Variants in SLC36A1 observed in about 807,000 individuals in gnomAD.
SLC36A1 encodes proton-coupled amino acid transporter 1.
SLC36A1 carries 30 observed loss-of-function variants against 47.5 expected under a neutral mutation model. The observed-to-expected ratio is 0.63, with a 90% CI of 0.47 to 0.86. The LOEUF (loss-of-function observed/expected upper bound fraction) is 0.86. Ranked by LOEUF, SLC36A1 falls within the 40% of genes least tolerant of loss-of-function variation. The pLI is 0.00. For missense variants in SLC36A1, 517 were observed against 606.0 expected, an observed-to-expected ratio of 0.85 and a Z score of 1.54; for synonymous variants, 255 against 249.7, an observed-to-expected ratio of 1.02 and a Z score of -0.20.
the SLC36A1 span, among the ~76,000 whole-genome samples, chr5:151,555,739 T>C: frequency 1.3e-5 from 2 of 152,210 alleles, no homozygotes; most frequent in African/African-American, 4.8e-5. Context: ...CAAAATTTGT[T>C]TCCTGCTGAG....
chr5:151,355,944 TA>T, the SLC36A1 span, among the ~76,000 whole-genome samples: 1 of 152,170 alleles, frequency 6.6e-6, no homozygotes, highest in African/African-American at 2.4e-5. Flanking sequence ...AGTGGACACT[TA>T]GGGGTGAAGC....
At chr5:151,525,284 A>G in the SLC36A1 span, among the ~76,000 whole-genome samples, 1 of 152,196 alleles carries the variant, frequency 6.6e-6, no homozygotes, top group Non-Finnish European at 1.5e-5. Context: ...TATGAAACCC[A>G]TAACACCACC....
the SLC36A1 span, chr5:151,526,108 A>C: frequency 9.7e-6 from 8 of 826,726 alleles, no homozygotes; most frequent in Non-Finnish European, 1.5e-5. Flanking sequence ...GCTGCTGCTC[A>C]TTCATTCTGC....
the SLC36A1 span, chr5:151,553,515 T>C: frequency 1.3e-6 from 1 of 791,520 alleles, no homozygotes; most frequent in Non-Finnish European, 2.1e-6. Flanking sequence ...CATTCATTCA[T>C]CTGATGCATA....
the SLC36A1 span, among the ~76,000 whole-genome samples, chr5:151,394,401 C>T: frequency 3.9e-5 from 6 of 152,246 alleles, no homozygotes; most frequent in Admixed American, 1.3e-4. Flanking sequence ...CTTCCCTCAA[C>T]TCGTCAAAGT....
chr5:151,529,117 G>A, the SLC36A1 span: 1,360 of 1,407,362 alleles, frequency 9.7e-4, 8 homozygotes, highest in Non-Finnish European at 1.1e-3. Context: ...GGGTGTGGGG[G>A]TGAGATAAGA....
the SLC36A1 span, among the ~76,000 whole-genome samples, chr5:151,403,103 G>A: frequency 3.9e-5 from 6 of 151,958 alleles, no homozygotes; most frequent in South Asian, 2.1e-4. Context: ...ATGTTAGAGC[G>A]TTAATTTGAG....
chr5:151,554,653 C>T, the SLC36A1 span: 6 of 1,613,438 alleles, frequency 3.7e-6, no homozygotes, highest in African/African-American at 6.7e-5. Flanking sequence ...GTGAGGGTTC[C>T]CCATTGTCCA....
At chr5:151,476,401 T>C (rs1758054168) in intron 8 of SLC36A1, among the ~76,000 whole-genome samples, 189 bp from the exon 9 acceptor site, 1 of 152,238 alleles carries the variant, frequency 6.6e-6, no homozygotes, top group Admixed American at 6.5e-5. Flanking sequence ...AGCTAGGCAG[T>C]GGGCTGCAGA....
the SLC36A1 span, among the ~76,000 whole-genome samples, chr5:151,555,697 A>G: frequency 6.6e-6 from 1 of 152,212 alleles, no homozygotes; most frequent in Non-Finnish European, 1.5e-5. Context: ...ACCAAAGGAA[A>G]AAGAATGTGC....
At chr5:151,445,769 G>A (rs956415907), upstream of SLC36A1, among the ~76,000 whole-genome samples, 2 of 152,220 alleles carry the variant, frequency 1.3e-5, no homozygotes, top group East Asian at 3.9e-4. Flanking sequence ...TATCCAATAT[G>A]TTGGCAAATA....
chr5:151,423,649 A>AGAT, the SLC36A1 span, among the ~76,000 whole-genome samples: 2 of 152,240 alleles, frequency 1.3e-5, no homozygotes, highest in African/African-American at 4.8e-5. Flanking sequence ...AGAGATGAAC[A>AGAT]GATGAAGCAC....
upstream of SLC36A1, among the ~76,000 whole-genome samples, chr5:151,444,421 A>G (rs1039891119): frequency 3.9e-5 from 6 of 152,210 alleles, no homozygotes; most frequent in African/African-American, 1.4e-4. Context: ...TTTTAATGCT[A>G]TCACAAATAA....
the SLC36A1 span, among the ~76,000 whole-genome samples, chr5:151,419,242 G>A: frequency 5.9e-5 from 9 of 152,240 alleles, no homozygotes; most frequent in South Asian, 2.1e-4. Flanking sequence ...ACCATATTTC[G>A]ATAACACCTT....
At chr5:151,392,957 T>C in the SLC36A1 span, among the ~76,000 whole-genome samples, 1 of 152,226 alleles carries the variant, frequency 6.6e-6, no homozygotes, top group South Asian at 2.1e-4. Flanking sequence ...TGGATATCCT[T>C]GTTAACTTTC....
At chr5:151,448,348 A>G (rs2127447018) in intron 1 of SLC36A1, among the ~76,000 whole-genome samples, 1 of 152,322 alleles carries the variant, frequency 6.6e-6, no homozygotes, top group Middle Eastern at 3.4e-3. Context: ...TCCTGCGGGA[A>G]ACTTCACCTG....
At chr5:151,519,539 C>T in the SLC36A1 span, among the ~76,000 whole-genome samples, 1 of 152,100 alleles carries the variant, frequency 6.6e-6, no homozygotes, top group African/African-American at 2.4e-5. Context: ...TTCAGTAGTT[C>T]TGGGTGGCAC....
At chr5:151,352,454 T>C in the SLC36A1 span, among the ~76,000 whole-genome samples, 2 of 152,222 alleles carry the variant, frequency 1.3e-5, no homozygotes, top group Non-Finnish European at 2.9e-5. Flanking sequence ...AGAGGTCCTT[T>C]CTTTTGCCTG....
the SLC36A1 span, among the ~76,000 whole-genome samples, chr5:151,503,250 G>A: frequency 3.4e-5 from 5 of 147,972 alleles, no homozygotes; most frequent in Non-Finnish European, 7.4e-5. Context: ...CCCATCAATG[G>A]AGAGTTGTCA....
Sources: allele counts gnomAD v4.1 joint callset (sites outside exome capture counted in the v4.1 genomes callset), GRCh38; gene constraint gnomAD v4.1.1; transcripts MANE v1.5; gene names NCBI Gene and HGNC (gene_info 2026-07-23, HGNC 2026-07-21).